The following NPAS2 variants were observed in gnomAD, a reference collection of about 807,000 sequenced individuals.
The protein encoded by NPAS2 is neuronal PAS domain-containing protein 2.
Under a neutral mutation model 107.5 loss-of-function variants are expected in NPAS2, and 23 were observed. The observed-to-expected ratio is 0.21, with a 90% CI of 0.15 to 0.30. NPAS2 has a LOEUF of 0.30. Among genes scored for constraint, NPAS2 ranks in the 10% least tolerant of loss-of-function variants. NPAS2 has a pLI of 1.00. For missense variants in NPAS2, 756 were observed against 1,043.3 expected (o/e 0.72, Z 3.79); for synonymous variants, 403 against 417.5 (o/e 0.97, Z 0.42).
At chr2:100,949,933 A>G (rs1675126118) in intron 7 of NPAS2, among the ~76,000 whole-genome samples, 2 of 152,180 alleles carry the variant, frequency 1.3e-5, no homozygotes, top group Admixed American at 6.5e-5. Context: ...GCCCTCATGC[A>G]CAGCAAAGGG....
intron 1 of NPAS2, among the ~76,000 whole-genome samples, chr2:100,891,059 C>T (rs982120824): frequency 2.6e-5 from 4 of 152,022 alleles, no homozygotes; most frequent in South Asian, 4.2e-4. Context: ...GGTGAAACCC[C>T]GTCTCTACTA....
chr2:100,933,386 A>G (rs775126330), intron 4 of NPAS2, among the ~76,000 whole-genome samples: 1 of 152,234 alleles, frequency 6.6e-6, no homozygotes, highest in Non-Finnish European at 1.5e-5. Context: ...TGCTATGATT[A>G]TACATTTTTT....
rs192109233 is a variant in NPAS2 at position 100,869,771 on chromosome 2, C to T, written c.-22-34962C>T. ...CAAGGATGGGCTTCATCTCTGGCCT[C>T]CTGCCTTATCCACACAATATCAAAA... On this transcript the variant is annotated intron_variant, in intron 1 of 20. Transcript: ENST00000335681. Among the ~76,000 whole-genome samples, 215 of 152,300 alleles carry T rather than the reference C, an allele frequency of 1.4e-3. 2 individuals are homozygous for T. Among genetic ancestry groups the T allele is most frequent in the Admixed American group, 4.0e-3 (61 of 15,296 alleles).
intron 5 of NPAS2, among the ~76,000 whole-genome samples, chr2:100,943,610 G>C (rs1455456797): frequency 6.6e-6 from 1 of 152,246 alleles, no homozygotes; most frequent in Non-Finnish European, 1.5e-5. Flanking sequence ...CGTGGGAAAA[G>C]AGTGAACCAG....
chr2:100,842,269 G>A (rs1222948216), intron 1 of NPAS2, among the ~76,000 whole-genome samples: 1 of 152,192 alleles, frequency 6.6e-6, no homozygotes, highest in Non-Finnish European at 1.5e-5. Flanking sequence ...TACTTTAAAA[G>A]GTTGGGGTGA....
At chr2:100,923,239 G>T (rs1346740312) in intron 2 of NPAS2, among the ~76,000 whole-genome samples, 1 of 152,258 alleles carries the variant, frequency 6.6e-6, no homozygotes, top group South Asian at 2.1e-4. Context: ...GCCAAGAACA[G>T]ACAGGGAGGA....
intron 1 of NPAS2, among the ~76,000 whole-genome samples, chr2:100,850,495 T>C (rs895291028): frequency 6.6e-6 from 1 of 152,222 alleles, no homozygotes; most frequent in African/African-American, 2.4e-5. Context: ...GAGATCATTT[T>C]GTATCAAGGT....
chr2:100,952,023 G>A lies in NPAS2; in HGVS notation c.598+2543G>A, dbSNP rs563545044. 1.7e-3 allele frequency among the ~76,000 whole-genome samples: 258 copies of A among 151,898 alleles called. 1 individual carries two copies. Among genetic ancestry groups the A allele is most frequent in the Non-Finnish European group, 3.2e-3 (215 of 67,944 alleles). ...AATTAGCTGGGCGTGGTGGTGGCGGGCGCCTGTAGTCCCAGCTACTAGGGA... is the reference window on the plus strand; with the variant it reads ...AATTAGCTGGGCGTGGTGGTGGCGGACGCCTGTAGTCCCAGCTACTAGGGA... On this transcript the variant is annotated intron_variant, in intron 7 of 20. Transcript: ENST00000335681.
intron 1 of NPAS2, among the ~76,000 whole-genome samples, chr2:100,850,543 C>G (rs1678099490): frequency 6.6e-6 from 1 of 152,214 alleles, no homozygotes; most frequent in Non-Finnish European, 1.5e-5. Context: ...ATCCAAGGTT[C>G]ATACCAACAT....
chr2:100,955,341 G>A (rs1383987759), intron 7 of NPAS2, among the ~76,000 whole-genome samples: 3 of 152,072 alleles, frequency 2.0e-5, no homozygotes, highest in Admixed American at 6.6e-5. Flanking sequence ...TACTGTACCC[G>A]CTTCCTGGGC....
In NPAS2 at chr2:100,964,108, C is replaced by G. The variant is rs778690773; in HGVS notation, c.649C>G (p.Arg217Gly). ...GFDNTLSRPCRVPLGKEVCFI... is the reference protein window; with the variant it reads ...GFDNTLSRPCGVPLGKEVCFI... The stretch of plus-strand genomic sequence containing the variant: ...TGACAACACCCTTTCAAGACCTTGC[C>G]GGGTGCCACTAGGAAAGGAGGTTTG... The change falls in exon 8 of 21, where the codon CGG becomes GGG. Residue 217 changes from arginine (R) to glycine (G), a missense_variant. Around this residue, in one of 4 missense-constraint regions of NPAS2, gnomAD observed 30 missense variants for 23.8 expected, o/e 1.26. Coordinates refer to ENST00000335681, the MANE Select transcript of NPAS2 (RefSeq NM_002518.4). 1.2e-6 allele frequency: 2 copies of G among 1,614,084 alleles called. No individual in the cohort carries two copies. The highest frequency in any genetic ancestry group is 4.5e-5 in the East Asian group (2 of 44,868).
At chr2:100,919,605 G>A (rs1683099191) in intron 2 of NPAS2, among the ~76,000 whole-genome samples, 1 of 152,096 alleles carries the variant, frequency 6.6e-6, no homozygotes, top group Non-Finnish European at 1.5e-5. Context: ...CTTTCCTGAG[G>A]ACCCATTTCA....
intron 15 of NPAS2, among the ~76,000 whole-genome samples, chr2:100,978,351 T>C (rs1181767745): frequency 1.3e-5 from 2 of 152,198 alleles, no homozygotes; most frequent in African/African-American, 4.8e-5. Context: ...TTTTAATTCT[T>C]TTAACAGTCT....
chr2:100,849,633 C>T (rs935766498), intron 1 of NPAS2, among the ~76,000 whole-genome samples: 2 of 152,196 alleles, frequency 1.3e-5, no homozygotes, highest in African/African-American at 4.8e-5. Context: ...TATTTCCTCA[C>T]TCTCTGTAGG....
At chr2:100,963,004 C>T (rs1187513593) in intron 7 of NPAS2, among the ~76,000 whole-genome samples, 1 of 152,218 alleles carries the variant, frequency 6.6e-6, no homozygotes, top group Non-Finnish European at 1.5e-5. Context: ...ACAGTAATGC[C>T]CTCCTAGATG....
At chr2:100,947,793 C>T (rs757657416) in intron 5 of NPAS2, among the ~76,000 whole-genome samples, 1 of 152,220 alleles carries the variant, frequency 6.6e-6, no homozygotes, top group Non-Finnish European at 1.5e-5. Flanking sequence ...AAGACCTTTA[C>T]GAAGTAGACT....
At chr2:100,905,862 G>A (rs4851378) in intron 2 of NPAS2, among the ~76,000 whole-genome samples, 2 of 151,948 alleles carry the variant, frequency 1.3e-5, no homozygotes, top group Non-Finnish European at 2.9e-5. Flanking sequence ...GGCAGCTGTC[G>A]TTCCATGTCA....
intron 4 of NPAS2, among the ~76,000 whole-genome samples, chr2:100,934,600 T>C (rs949121454): frequency 1.3e-5 from 2 of 152,240 alleles, no homozygotes; most frequent in Non-Finnish European, 2.9e-5. Context: ...GAATGGCAGC[T>C]GTGAGTGGTC....
chr2:100,982,492 C>T (rs928969300), intron 16 of NPAS2, 115 bp downstream of exon 16: 35 of 1,229,604 alleles, frequency 2.8e-5, no homozygotes, highest in Middle Eastern at 2.8e-4. Context: ...CCTGCCAAGC[C>T]CCATTTGCTT....
Sources: gnomAD v4.1 joint callset for allele counts (sites outside exome capture counted in the v4.1 genomes callset) on GRCh38, gnomAD v4.1.1 for gene constraint, gnomAD v4.1.1 regional missense constraint, MANE v1.5 for transcripts, NCBI Gene and HGNC (gene_info 2026-07-23, HGNC 2026-07-21) for gene names.